The following STXBP5L variants were observed in gnomAD, a reference collection of about 807,000 sequenced individuals.
STXBP5L encodes syntaxin binding protein 5L.
Under a neutral mutation model 144.5 loss-of-function variants are expected in STXBP5L, and 65 were observed. The ratio of observed to expected loss-of-function variants is 0.45; its 90% confidence interval spans 0.37 to 0.55. The LOEUF is 0.55. STXBP5L is among the 20% of genes least tolerant of loss of function. The pLI is 0.00. For missense variants in STXBP5L, 1,298 were observed against 1,405.5 expected, an observed-to-expected ratio of 0.92 and a Z score of 1.22; for synonymous variants, 505 against 469.6, an observed-to-expected ratio of 1.08 and a Z score of -0.97.
chr3:121,385,009 G>C (rs1339051838), intron 22 of STXBP5L, among the ~76,000 whole-genome samples: 1 of 151,766 alleles, frequency 6.6e-6, no homozygotes, highest in Non-Finnish European at 1.5e-5. Flanking sequence ...AGCATGCTTT[G>C]TAACATATAT....
intron 20 of STXBP5L, among the ~76,000 whole-genome samples, chr3:121,349,046 T>A (rs1163755360): frequency 1.3e-5 from 2 of 152,120 alleles, no homozygotes; most frequent in Non-Finnish European, 2.9e-5. Context: ...TTAATTGTGA[T>A]GTTAGGGTGT....
At chr3:120,951,842 A>T (rs1164575825) in intron 2 of STXBP5L, among the ~76,000 whole-genome samples, 11 of 152,162 alleles carry the variant, frequency 7.2e-5, no homozygotes. Flanking sequence ...GCTGCTATAA[A>T]GACACATGCA....
At chr3:121,363,820 G>A (rs1220557927) in intron 20 of STXBP5L, among the ~76,000 whole-genome samples, 1 of 152,034 alleles carries the variant, frequency 6.6e-6, no homozygotes, top group Non-Finnish European at 1.5e-5. Flanking sequence ...ATGATTGGTG[G>A]AGTTTTCTAT....
chr3:121,346,035 C>G (rs1405863199), intron 20 of STXBP5L, among the ~76,000 whole-genome samples: 1 of 151,524 alleles, frequency 6.6e-6, no homozygotes, highest in East Asian at 1.9e-4. Context: ...ACATGTGAAA[C>G]GTTGGTGTGC....
intron 20 of STXBP5L, among the ~76,000 whole-genome samples, chr3:121,350,650 G>A (rs2045239008): frequency 6.6e-6 from 1 of 152,150 alleles, no homozygotes; most frequent in African/African-American, 2.4e-5. Flanking sequence ...TGGAGGCTTT[G>A]TTCGTTTCTT....
rs537971824 is a variant in STXBP5L at position 121,279,661 on chromosome 3, G to A, written c.1959-144G>A. 13 of 815,658 alleles carry A rather than the reference G, an allele frequency of 1.6e-5. No individual in the cohort carries two copies. The East Asian group carries it at 1.6e-4, about 10-fold the overall frequency. The allele number at this position is 815,658 out of a possible 1,614,324, so 50.5% of individuals were successfully genotyped here. A position where few individuals can be genotyped will look rare whatever the true frequency, so the allele number is the denominator to read the frequency against. The stretch of plus-strand genomic sequence containing the variant: ...ACAGTTTATCCATCATAAAGGCAAG[G>A]CATCCTTCTTGACTTTACACAAATC... On this transcript the variant is annotated intron_variant, in intron 18 of 26. Coordinates refer to ENST00000471454, the MANE Select transcript of STXBP5L (RefSeq NM_001308330.2).
At chr3:121,243,816 T>C (rs980799967) in intron 14 of STXBP5L, among the ~76,000 whole-genome samples, 1 of 152,198 alleles carries the variant, frequency 6.6e-6, no homozygotes, top group Admixed American at 6.5e-5. Flanking sequence ...CTAGGAAACA[T>C]AGCATTCCTA....
rs747259649 is a variant in STXBP5L, at chr3:121,381,519, G to A, written c.2574G>A (p.Met858Ile). 5 of 1,590,652 alleles carry A rather than the reference G, an allele frequency of 3.1e-6. No homozygotes were observed. The African/African-American group carries it at 5.5e-5, about 17-fold the overall frequency. The change falls in exon 22 of 27, where the codon ATG (methionine) becomes ATA (isoleucine). Residue 858 changes from methionine (M) to isoleucine (I), a missense_variant. Transcript: ENST00000471454. ...ADEQRFTEPV[M>I]VLPSGTFLSL... ...AACAAAGGTTTACAGAGCCAGTCAT[G>A]GTATTGCCAAGTGGTAAGAGTTTGT...
intron 18 of STXBP5L, among the ~76,000 whole-genome samples, chr3:121,261,464 T>C (rs2050379034): frequency 6.6e-6 from 1 of 152,176 alleles, no homozygotes; most frequent in African/African-American, 2.4e-5. Context: ...AAAAGGGTAT[T>C]ACAAAAAGAG....
intron 3 of STXBP5L, among the ~76,000 whole-genome samples, chr3:120,986,312 T>C (rs1190821437): frequency 6.6e-6 from 1 of 151,968 alleles, no homozygotes; most frequent in Non-Finnish European, 1.5e-5. Flanking sequence ...TAACGTATGA[T>C]CTGTCCTGAA....
At chr3:121,404,018 A>T (rs574347133) in intron 22 of STXBP5L, among the ~76,000 whole-genome samples, 63 of 152,274 alleles carry the variant, frequency 4.1e-4, no homozygotes, top group African/African-American at 1.5e-3. Context: ...CTGATGGATC[A>T]TACATTTATA....
At chr3:121,214,863 G>T (rs2048715202) in intron 10 of STXBP5L, among the ~76,000 whole-genome samples, 1 of 152,040 alleles carries the variant, frequency 6.6e-6, no homozygotes, top group Admixed American at 6.6e-5. Flanking sequence ...TGGTCTCTAA[G>T]AACTTACTTT....
At chr3:120,977,594 TA>T (rs1941221712) in intron 3 of STXBP5L, among the ~76,000 whole-genome samples, 2 of 152,312 alleles carry the variant, frequency 1.3e-5, no homozygotes, top group East Asian at 3.9e-4. Flanking sequence ...ATTATGATGT[TA>T]GCTGGTTATT....
chr3:121,302,555 C>T (rs2051961783), intron 19 of STXBP5L, among the ~76,000 whole-genome samples: 2 of 152,178 alleles, frequency 1.3e-5, no homozygotes, highest in African/African-American at 2.4e-5. Flanking sequence ...CAGTTCTGCT[C>T]TGATCTTAGT....
intron 3 of STXBP5L, among the ~76,000 whole-genome samples, chr3:120,983,941 C>T (rs534833220): frequency 1.6e-4 from 25 of 152,334 alleles, no homozygotes; most frequent in African/African-American, 6.0e-4. Context: ...ATTTTGAACC[C>T]TCCTTCCAGT....
At chr3:121,262,183 A>G (rs1203516980) in intron 18 of STXBP5L, among the ~76,000 whole-genome samples, 1 of 152,214 alleles carries the variant, frequency 6.6e-6, no homozygotes, top group African/African-American at 2.4e-5. Context: ...GAATTTGGGG[A>G]AACACAAAAA....
intron 3 of STXBP5L, among the ~76,000 whole-genome samples, chr3:120,963,007 A>T (rs1305473613): frequency 1.3e-5 from 2 of 152,032 alleles, no homozygotes; most frequent in Non-Finnish European, 2.9e-5. Context: ...TGTTAGTTGG[A>T]TTCCTAGGTA....
intron 22 of STXBP5L, among the ~76,000 whole-genome samples, chr3:121,390,332 T>C (rs2046548101): frequency 6.6e-6 from 1 of 152,182 alleles, no homozygotes; most frequent in South Asian, 2.1e-4. Context: ...GGGTCTTGAC[T>C]CTTCATCCAA....
intron 3 of STXBP5L, among the ~76,000 whole-genome samples, chr3:120,983,091 G>A (rs1205389554): frequency 6.6e-6 from 1 of 152,226 alleles, no homozygotes; most frequent in African/African-American, 2.4e-5. Context: ...TCTGACAGCA[G>A]TGGTAGTGGT....
Sources: gnomAD v4.1 joint callset for allele counts (sites outside exome capture counted in the v4.1 genomes callset) on GRCh38, gnomAD v4.1.1 for gene constraint, MANE v1.5 for transcripts, NCBI Gene and HGNC (gene_info 2026-07-23, HGNC 2026-07-21) for gene names.